TIAM1: variants seen among roughly 807,000 people sequenced by gnomAD.
TIAM1 encodes rho guanine nucleotide exchange factor TIAM1.
Under a neutral mutation model 163.5 loss-of-function variants are expected in TIAM1, and 65 were observed. The observed-to-expected ratio is 0.40, with a 90% CI of 0.33 to 0.49. The LOEUF is 0.49. TIAM1 is among the 20% of genes least tolerant of loss of function. TIAM1 has a pLI of 0.77. For missense variants in TIAM1, 1,789 were observed against 2,044.7 expected (o/e 0.87, Z 2.41); for synonymous variants, 833 against 810.1 (o/e 1.03, Z -0.48).
At chr21:31,467,421 T>C (rs969019419) in intron 1 of TIAM1, among the ~76,000 whole-genome samples, 21 of 151,746 alleles carry the variant, frequency 1.4e-4, no homozygotes, top group African/African-American at 5.1e-4. Context: ...TAATGAGGAG[T>C]TCGAGACCAG....
intron 1 of TIAM1, among the ~76,000 whole-genome samples, chr21:31,535,107 G>C (rs1370406070): frequency 6.7e-6 from 1 of 148,276 alleles, no homozygotes; most frequent in Non-Finnish European, 1.5e-5. Context: ...AAAAGGCTGA[G>C]CGCAGTGGCT....
At chr21:31,133,183 C>T (rs543138332) in intron 23 of TIAM1, among the ~76,000 whole-genome samples, 1 of 152,338 alleles carries the variant, frequency 6.6e-6, no homozygotes, top group African/African-American at 2.4e-5. Context: ...ACACCCAAAC[C>T]ATCAAACTTG....
chr21:31,135,547 G>C (rs922601044), intron 23 of TIAM1, among the ~76,000 whole-genome samples: 1 of 152,000 alleles, frequency 6.6e-6, no homozygotes, highest in African/African-American at 2.4e-5. Context: ...ATCTAGGACT[G>C]GGGGGTCTCA....
chr21:31,216,487 C>T (rs1272915615), intron 9 of TIAM1, among the ~76,000 whole-genome samples: 1 of 152,152 alleles, frequency 6.6e-6, no homozygotes, highest in Admixed American at 6.5e-5. Context: ...CAGATGCTCA[C>T]GTTCCTTTAG....
At chr21:31,434,307 C>T (rs147974707) in intron 2 of TIAM1, among the ~76,000 whole-genome samples, 312 of 152,222 alleles carry the variant, frequency 2.0e-3, no homozygotes, top group African/African-American at 6.5e-3. Context: ...ACACTGATCT[C>T]TAACAGACTA....
chr21:31,282,369 C>T (rs1239931603), intron 2 of TIAM1, among the ~76,000 whole-genome samples: 4 of 152,184 alleles, frequency 2.6e-5, no homozygotes, highest in Admixed American at 6.6e-5. Context: ...AGCAAGCAGC[C>T]GTCTTGAAGA....
intron 2 of TIAM1, among the ~76,000 whole-genome samples, chr21:31,402,220 C>A (rs1374324480): frequency 6.6e-6 from 1 of 151,046 alleles, no homozygotes; most frequent in African/African-American, 2.4e-5. Flanking sequence ...TCAAAAAAAA[C>A]AACAACAACA....
intron 2 of TIAM1, among the ~76,000 whole-genome samples, chr21:31,394,998 G>T (rs1267395116): frequency 1.3e-5 from 2 of 152,158 alleles, no homozygotes; most frequent in Non-Finnish European, 2.9e-5. Flanking sequence ...AGCACTTTGG[G>T]AGGCCAAGGT....
chr21:31,400,866 G>A (rs925286560), intron 2 of TIAM1, among the ~76,000 whole-genome samples: 1 of 151,766 alleles, frequency 6.6e-6, no homozygotes, highest in African/African-American at 2.4e-5. Flanking sequence ...CGAGGTGGGT[G>A]GATCACCTGA....
chr21:31,449,261 G>A (rs988500583), intron 2 of TIAM1, among the ~76,000 whole-genome samples: 1 of 152,058 alleles, frequency 6.6e-6, no homozygotes, highest in Non-Finnish European at 1.5e-5. Flanking sequence ...CACCGTGGCT[G>A]GTCAGGATTG....
intron 13 of TIAM1, among the ~76,000 whole-genome samples, chr21:31,193,248 G>C (rs1315382346): frequency 6.6e-6 from 1 of 152,236 alleles, no homozygotes; most frequent in East Asian, 1.9e-4. Flanking sequence ...ACCTTGGCTG[G>C]TATCCTGAGA....
chr21:31,216,681 C>T (rs997392617), intron 9 of TIAM1, among the ~76,000 whole-genome samples: 8 of 152,064 alleles, frequency 5.3e-5, no homozygotes, highest in African/African-American at 1.7e-4. Flanking sequence ...AGTGGACACC[C>T]GTCACGGCAC....
At chr21:31,344,442 G>C (rs1037848085), upstream of TIAM1, among the ~76,000 whole-genome samples, 5 of 152,072 alleles carry the variant, frequency 3.3e-5, no homozygotes, top group Non-Finnish European at 4.4e-5. Flanking sequence ...ACATCCTTGG[G>C]GGCAATGTAT....
intron 4 of TIAM1, among the ~76,000 whole-genome samples, chr21:31,255,312 T>C (rs1464113825): frequency 6.6e-6 from 1 of 152,142 alleles, no homozygotes; most frequent in Non-Finnish European, 1.5e-5. Context: ...ACCCAGCCCA[T>C]TGAGAAACGG....
intron 16 of TIAM1, among the ~76,000 whole-genome samples, chr21:31,161,658 T>C (rs2083928491): frequency 6.6e-6 from 1 of 152,168 alleles, no homozygotes; most frequent in Non-Finnish European, 1.5e-5. Flanking sequence ...ACCAAGAATA[T>C]TACACAAAAT....
rs141720377 is a variant in TIAM1, at chr21:31,266,881, C to T, written c.92G>A (p.Arg31His). The T allele has an allele frequency of 0.01, 16,904 of 1,614,064 alleles. 122 individuals carry two copies. The highest frequency in any genetic ancestry group is 0.012 in the Non-Finnish European group (13,946 of 1,180,024). Residue 31 changes from arginine to histidine, a missense_variant, in exon 4 of 28, where the codon CGC becomes CAC. By Grantham distance (29) the Arg-to-His change is conservative (BLOSUM62 0). Transcript: ENST00000541036. ...GGTCCTCCGCGTCTTGTGCGAGAGG[C>T]GCAGGGAGCGGGAAGTGTGCTTGCG... ...LGRKHTSRSLRLSHKTRRTRH... is the reference protein window; with the variant it reads ...LGRKHTSRSLHLSHKTRRTRH...
rs761039299 is a variant in TIAM1, at chr21:31,503,924, GACTA to G, written c.-421-39893_-421-39890del. 1.6e-3 allele frequency among the ~76,000 whole-genome samples: 237 copies of G among 152,052 alleles called. 2 individuals are homozygous for G. Among genetic ancestry groups the G allele is most frequent in the Non-Finnish European group, 2.2e-3 (148 of 67,994 alleles). Reference sequence around the variant, plus strand: ...CCAAAATTCTAAGCACGATTTGATAGACTAACTATCCTAGGTATTCCAATGGAAG... The same window carrying G: ...CCAAAATTCTAAGCACGATTTGATAGACTATCCTAGGTATTCCAATGGAAG... On this transcript the variant is annotated intron_variant, in intron 1 of 28. Transcript: ENST00000286827.
intron 2 of TIAM1, among the ~76,000 whole-genome samples, chr21:31,387,520 T>A (rs946051457): frequency 6.6e-6 from 1 of 151,912 alleles, no homozygotes; most frequent in African/African-American, 2.4e-5. Flanking sequence ...GCCTGTCTTT[T>A]TTCAAGGAGA....
At chr21:31,202,276 G>A (rs1045954336) in intron 12 of TIAM1, among the ~76,000 whole-genome samples, 1 of 152,054 alleles carries the variant, frequency 6.6e-6, no homozygotes, top group Non-Finnish European at 1.5e-5. Context: ...GACTGGCCGT[G>A]CGCAGTGGCT....
Sources: gnomAD v4.1 joint callset for allele counts (sites outside exome capture counted in the v4.1 genomes callset) on GRCh38, gnomAD v4.1.1 for gene constraint, MANE v1.5 for transcripts, NCBI Gene and HGNC (gene_info 2026-07-23, HGNC 2026-07-21) for gene names.